FOXO3: variants seen among roughly 807,000 people sequenced by gnomAD.
The protein encoded by FOXO3 is forkhead box protein O3.
A neutral mutation model predicts 41.9 loss-of-function variants in FOXO3; 4 were observed. That is an observed-to-expected ratio of 0.10 (90% CI 0.05 to 0.22). The LOEUF is 0.22. FOXO3 is among the 10% of genes least tolerant of loss of function. FOXO3 has a pLI of 1.00. For missense variants in FOXO3, 534 were observed against 906.8 expected (o/e 0.59, Z 5.28); for synonymous variants, 318 against 389.3 (o/e 0.82, Z 2.16).
intron 1 of FOXO3, among the ~76,000 whole-genome samples, chr6:108,584,611 C>T (rs1463224180): frequency 2.0e-5 from 3 of 152,080 alleles, no homozygotes; most frequent in Non-Finnish European, 4.4e-5. Flanking sequence ...GGTGAATTAA[C>T]GAGTGGAAGG....
chr6:108,663,389 T>C (rs1562262852), intron 1 of FOXO3, 66 bp from the exon 2 acceptor site: 4 of 1,519,882 alleles, frequency 2.6e-6, no homozygotes, highest in Non-Finnish European at 3.5e-6. Flanking sequence ...TGATTTACTA[T>C]ATCATCTGGG....
intron 1 of FOXO3, among the ~76,000 whole-genome samples, chr6:108,651,643 G>A (rs1450058530): frequency 1.3e-5 from 2 of 152,238 alleles, no homozygotes; most frequent in African/African-American, 4.8e-5. Context: ...CAGAAAAGCA[G>A]TTTTCCTGGA....
At chr6:108,678,545 A>T (rs1770711297) in intron 2 of FOXO3, among the ~76,000 whole-genome samples, 1 of 150,538 alleles carries the variant, frequency 6.6e-6, no homozygotes, top group African/African-American at 2.4e-5. Context: ...TGGTCACATG[A>T]CATCTGATAA....
At chr6:108,665,140 C>T (rs976276771) in intron 2 of FOXO3, among the ~76,000 whole-genome samples, 5 of 152,178 alleles carry the variant, frequency 3.3e-5, no homozygotes, top group Non-Finnish European at 7.3e-5. Context: ...GAAGAGAACA[C>T]GTACGCATTC....
At chr6:108,585,460 C>A (rs1214046110) in intron 1 of FOXO3, among the ~76,000 whole-genome samples, 2 of 152,210 alleles carry the variant, frequency 1.3e-5, no homozygotes, top group East Asian at 3.9e-4. Context: ...CACCAAAATC[C>A]AGGCCTGAAA....
intron 2 of FOXO3, among the ~76,000 whole-genome samples, chr6:108,677,703 G>GAACA: frequency 6.6e-6 from 1 of 152,050 alleles, no homozygotes; most frequent in Non-Finnish European, 1.5e-5. Context: ...ATTGTGAGGG[G>GAACA]AAAAAACCAA....
chr6:108,674,099 T>TA (rs1237869277), intron 2 of FOXO3, among the ~76,000 whole-genome samples: 3 of 152,164 alleles, frequency 2.0e-5, no homozygotes, highest in Non-Finnish European at 1.5e-5. Flanking sequence ...AATAGGAGTT[T>TA]TAGAAATTGA....
rs9374038 is a variant in FOXO3, at chr6:108,580,350, G to A, written c.621+18521G>A. Among the ~76,000 whole-genome samples, 98 of 151,942 alleles carry A rather than the reference G, an allele frequency of 6.4e-4. 6 individuals carry two copies. In the East Asian group the frequency reaches 8.7e-3, roughly 14 times the overall value. On this transcript the variant is annotated intron_variant, in intron 1 of 2. Transcript: ENST00000406360. ...ATTACAGGTGCCCACCATCGTGCTC[G>A]GCTAATTAGTAGAGGCGGGGTTTCA...
intron 2 of FOXO3, among the ~76,000 whole-genome samples, chr6:108,677,877 G>C (rs1770679172): frequency 6.6e-6 from 1 of 151,922 alleles, no homozygotes; most frequent in Admixed American, 6.6e-5. Flanking sequence ...GAATCAACAA[G>C]CCATTATTTT....
chr6:108,563,535 A>G (rs1178073239), intron 1 of FOXO3, among the ~76,000 whole-genome samples: 1 of 152,226 alleles, frequency 6.6e-6, no homozygotes, highest in Non-Finnish European at 1.5e-5. Flanking sequence ...GCGTAAGCGG[A>G]CAGGATCTGA....
In FOXO3 at chr6:108,681,767, A is replaced by G. The variant is rs1770862638; in HGVS notation, c.*1975A>G. On this transcript the variant is annotated 3_prime_UTR_variant, in exon 3 of 3. Transcript: ENST00000406360. ...TTTTAAAGTATGTGTAATTTTTTTAAGTATGTATTCTATTCATATGGTCTG... is the reference window on the plus strand; with the variant it reads ...TTTTAAAGTATGTGTAATTTTTTTAGGTATGTATTCTATTCATATGGTCTG... The G allele has an allele frequency of 1.3e-5, 2 of 152,472 alleles. No homozygotes were observed. The highest frequency in any genetic ancestry group is 4.1e-4 in the South Asian group (2 of 4,832). 9.4% of individuals were successfully genotyped at this position (152,472 alleles called of 1,614,324 possible).
At chr6:108,669,329 G>A (rs1779149903) in intron 2 of FOXO3, among the ~76,000 whole-genome samples, 1 of 152,168 alleles carries the variant, frequency 6.6e-6, no homozygotes. Flanking sequence ...ACTGATGTTT[G>A]AATGCTGTGA....
At chr6:108,598,638 G>A (rs1202099968) in intron 1 of FOXO3, among the ~76,000 whole-genome samples, 1 of 152,220 alleles carries the variant, frequency 6.6e-6, no homozygotes, top group Non-Finnish European at 1.5e-5. Flanking sequence ...TTGTTGTGGG[G>A]AGGGGAGTGT....
At chr6:108,656,245 CTTG>C in intron 1 of FOXO3, 2 of 360,004 alleles carry the variant, frequency 5.6e-6, no homozygotes, top group Non-Finnish European at 7.7e-6. Flanking sequence ...GAGCAGATTT[CTTG>C]TTGTCGTTGC....
chr6:108,639,386 G>C (rs1333933131), intron 1 of FOXO3: 1 of 193,580 alleles, frequency 5.2e-6, no homozygotes, highest in Admixed American at 6.5e-5. Context: ...CCTAAAGTGT[G>C]TGGCATTGTA....
intron 1 of FOXO3, among the ~76,000 whole-genome samples, chr6:108,655,857 G>A (rs148156142): frequency 2.6e-5 from 4 of 152,298 alleles, no homozygotes; most frequent in African/African-American, 7.2e-5. Context: ...CAGCAGACGC[G>A]TATGTTAGAA....
In FOXO3 at chr6:108,636,503, T is replaced by A. The variant is rs548826443; in HGVS notation, c.622-26952T>A. 7.2e-5 allele frequency among the ~76,000 whole-genome samples: 11 copies of A among 152,058 alleles called. No individual in the cohort carries two copies. In the South Asian group the frequency reaches 1.7e-3, roughly 23 times the overall value. On this transcript the variant is annotated intron_variant, in intron 1 of 2. Coordinates refer to ENST00000406360, the MANE Select transcript of FOXO3 (RefSeq NM_001455.4). ...GAACTGGGCTGGGGTGGGGGGTGCA[T>A]GAGGCAAGAGACCAAGCATCTTAGA... is the stretch of plus-strand genomic sequence containing the variant.
Position 108,561,610 on chromosome 6 carries a change from A to G in FOXO3, c.402A>G (p.Pro134=). 1 of 1,533,412 alleles carries G rather than the reference A, an allele frequency of 6.5e-7. No individual in the cohort carries two copies. The highest frequency in any genetic ancestry group is 8.8e-7 in the Non-Finnish European group (1 of 1,139,938). The allele number at this position is 1,533,412 out of a possible 1,614,324, so 95.0% of individuals were successfully genotyped here. Residue 134 remains proline (P), a synonymous_variant, in exon 1 of 3, where the codon CCA becomes CCG. Coordinates refer to ENST00000406360, the MANE Select transcript of FOXO3 (RefSeq NM_001455.4). The part of the protein sequence containing the change: ...QALLQPQQPL[P]PPQPGAAGGS... ...TGCTGCAGCCTCAGCAACCGCTGCC[A>G]CCGCCGCAGCCGGGGGCGGCTGGGG...
chr6:108,566,671 A>T (rs1319065132), intron 1 of FOXO3, among the ~76,000 whole-genome samples: 3 of 152,062 alleles, frequency 2.0e-5, no homozygotes, highest in Non-Finnish European at 2.9e-5. Context: ...GGCTGGAGAG[A>T]ATATGGAATT....
Sources: allele counts gnomAD v4.1 joint callset (sites outside exome capture counted in the v4.1 genomes callset), GRCh38; gene constraint gnomAD v4.1.1; transcripts MANE v1.5; gene names NCBI Gene and HGNC (gene_info 2026-07-23, HGNC 2026-07-21).